Variants in CSMD1 observed in about 807,000 individuals in gnomAD.
CSMD1 encodes CUB and sushi domain-containing protein 1.
CSMD1 carries 213 observed loss-of-function variants against 417.5 expected under a neutral mutation model. That is an observed-to-expected ratio of 0.51 (90% confidence interval 0.46 to 0.57). The LOEUF (loss-of-function observed/expected upper bound fraction) is 0.57, where lower values mean the gene tolerates loss of function less well. Among genes scored for constraint, CSMD1 ranks in the 20% least tolerant of loss-of-function variants. The pLI, the probability that CSMD1 is intolerant of heterozygous loss-of-function variation, is 0.00. For missense variants in CSMD1, 6,923 were observed against 4,529.7 expected (o/e 1.53, Z -15.17); for synonymous variants, 2,862 against 1,736.8 (o/e 1.65, Z -16.11).
Position 3,262,184 on chromosome 8 carries a change from AATATATATATATATATATATATAT to A in CSMD1, c.4153+21936_4153+21959del, listed in dbSNP as rs201972449. 7.2e-3 allele frequency among the ~76,000 whole-genome samples: 453 copies of A among 63,170 alleles called. 10 individuals carry two copies. Among genetic ancestry groups the A allele is most frequent in the Admixed American group, 0.011 (58 of 5,410 alleles). The allele number at this position is 63,170 out of a possible 152,430, so 41.4% of individuals were successfully genotyped here. A position where few individuals can be genotyped will look rare whatever the true frequency, so the allele number is the denominator to read the frequency against. On this transcript the variant is annotated intron_variant, in intron 26 of 69. Coordinates refer to ENST00000635120, the MANE Select transcript of CSMD1 (RefSeq NM_033225.6). ...TTATTTCTAAAATTATGCTCATATG[AATATATATATATATATATATATAT>A]ATATATATATATATATATATATACA...
intron 5 of CSMD1, among the ~76,000 whole-genome samples, chr8:3,779,764 G>A (rs1037910830): frequency 6.6e-6 from 1 of 152,180 alleles, no homozygotes; most frequent in Non-Finnish European, 1.5e-5. Context: ...AGAGATCCCA[G>A]GTCCTCATGC....
At chr8:3,752,676 CAA>C (rs200769696) in intron 6 of CSMD1, among the ~76,000 whole-genome samples, 7,715 of 93,530 alleles carry the variant, frequency 0.082, 97 homozygotes, top group Non-Finnish European at 0.11. Context: ...CCCCGCCTGG[CAA>C]AAAAAAAAAA....
intron 3 of CSMD1, among the ~76,000 whole-genome samples, chr8:4,179,850 G>C (rs1798257120): frequency 6.6e-6 from 1 of 152,190 alleles, no homozygotes; most frequent in Non-Finnish European, 1.5e-5. Context: ...CTGGCCATCA[G>C]AGAAATGCAA....
intron 6 of CSMD1, among the ~76,000 whole-genome samples, chr8:3,728,076 C>G (rs571774492): frequency 6.6e-6 from 1 of 152,104 alleles, no homozygotes; most frequent in African/African-American, 2.4e-5. Context: ...TGACAGTGTC[C>G]GCACCCAAAT....
intron 5 of CSMD1, among the ~76,000 whole-genome samples, chr8:3,813,480 A>G (rs1231905786): frequency 6.6e-6 from 1 of 152,118 alleles, no homozygotes; most frequent in Non-Finnish European, 1.5e-5. Context: ...TATCTTTTGG[A>G]CTTTTATGTG....
At chr8:3,564,576 A>G (rs1161833749) in intron 10 of CSMD1, among the ~76,000 whole-genome samples, 1 of 144,174 alleles carries the variant, frequency 6.9e-6, no homozygotes, top group Non-Finnish European at 1.5e-5. Context: ...AAGCAAATCA[A>G]AAGCATGGCC....
intron 8 of CSMD1, among the ~76,000 whole-genome samples, chr8:3,592,084 T>C (rs955764467): frequency 2.0e-5 from 3 of 151,908 alleles, no homozygotes; most frequent in Non-Finnish European, 4.4e-5. Flanking sequence ...AATTGACGGA[T>C]TAGAGAGACA....
chr8:4,327,740 G>A (rs777152778), intron 3 of CSMD1, among the ~76,000 whole-genome samples: 21 of 152,266 alleles, frequency 1.4e-4, no homozygotes, highest in Admixed American at 3.3e-4. Context: ...CCTACTGTCC[G>A]AAAACATTGT....
intron 49 of CSMD1, among the ~76,000 whole-genome samples, chr8:3,058,348 A>C (rs556413328): frequency 6.6e-6 from 1 of 152,318 alleles, no homozygotes; most frequent in South Asian, 2.1e-4. Context: ...AGGCCCATGA[A>C]ACCAGAATAT....
chr8:3,419,641 G>A (rs117060947), intron 12 of CSMD1, among the ~76,000 whole-genome samples: 2 of 151,746 alleles, frequency 1.3e-5, no homozygotes, highest in East Asian at 3.9e-4. Context: ...ACAGGATTGA[G>A]AAGCAAATAA....
intron 22 of CSMD1, among the ~76,000 whole-genome samples, chr8:3,345,448 T>TTA (rs1410365381): frequency 6.6e-6 from 1 of 151,948 alleles, no homozygotes; most frequent in Non-Finnish European, 1.5e-5. Flanking sequence ...CCCTGTCAGT[T>TTA]CTCTAAAGTT....
chr8:4,269,257 A>T (rs1325069186), intron 3 of CSMD1, among the ~76,000 whole-genome samples: 2 of 151,988 alleles, frequency 1.3e-5, no homozygotes, highest in Admixed American at 1.3e-4. Context: ...AGGTTTCACC[A>T]TGTTGCCCAG....
chr8:4,640,158 C>T (rs905848894), intron 1 of CSMD1, among the ~76,000 whole-genome samples: 1 of 152,186 alleles, frequency 6.6e-6, no homozygotes, highest in African/African-American at 2.4e-5. Flanking sequence ...AGGCTGCATT[C>T]AGGGTACTAA....
chr8:4,220,073 C>T (rs2407313), intron 3 of CSMD1, among the ~76,000 whole-genome samples: 1 of 151,940 alleles, frequency 6.6e-6, no homozygotes, highest in South Asian at 2.1e-4. Context: ...CCTCAGCCTC[C>T]CGAGTACCTG....
chr8:4,183,123 T>G (rs1798471275), intron 3 of CSMD1, among the ~76,000 whole-genome samples: 1 of 152,178 alleles, frequency 6.6e-6, no homozygotes, highest in Non-Finnish European at 1.5e-5. Flanking sequence ...CTTTATGCAG[T>G]GATAATTTTA....
intron 1 of CSMD1, among the ~76,000 whole-genome samples, chr8:4,985,042 C>T (rs1811099397): frequency 6.6e-6 from 1 of 152,134 alleles, no homozygotes; most frequent in Non-Finnish European, 1.5e-5. Flanking sequence ...TAAAAAAGAA[C>T]AAGATCATGT....
chr8:3,409,842 G>A (rs1489397757), intron 12 of CSMD1, among the ~76,000 whole-genome samples: 3 of 152,184 alleles, frequency 2.0e-5, no homozygotes, highest in Admixed American at 2.0e-4. Flanking sequence ...GATACACGTG[G>A]CTACACAGAT....
intron 27 of CSMD1, among the ~76,000 whole-genome samples, chr8:3,227,621 G>C (rs1297082037): frequency 6.6e-6 from 1 of 152,160 alleles, no homozygotes; most frequent in Non-Finnish European, 1.5e-5. Context: ...AGTGGCATCA[G>C]TGGTGTAGTT....
chr8:4,159,098 T>C (rs981212784), intron 3 of CSMD1, among the ~76,000 whole-genome samples: 9 of 152,054 alleles, frequency 5.9e-5, no homozygotes, highest in South Asian at 2.1e-4. Context: ...GTATTTTTAG[T>C]AGAGACGAGG....
Sources: allele counts gnomAD v4.1 joint callset (sites outside exome capture counted in the v4.1 genomes callset), GRCh38; gene constraint gnomAD v4.1.1; transcripts MANE v1.5; gene names NCBI Gene and HGNC (gene_info 2026-07-23, HGNC 2026-07-21).